The following RFX4 variants were observed in gnomAD, a reference collection of about 807,000 sequenced individuals.
The protein encoded by RFX4 is transcription factor RFX4.
In RFX4, 10 loss-of-function variants were observed where a neutral mutation model predicts 95.0. The ratio of observed to expected loss-of-function variants is 0.11; its 90% CI spans 0.06 to 0.18. The LOEUF is 0.18. Among genes scored for constraint, RFX4 ranks in the 10% least tolerant of loss-of-function variants. The pLI is 1.00. For missense variants in RFX4, 640 were observed against 922.0 expected (o/e 0.69, Z 3.96); for synonymous variants, 321 against 340.7 (o/e 0.94, Z 0.64).
intron 2 of RFX4, among the ~76,000 whole-genome samples, chr12:106,615,468 C>T (rs749200906): frequency 6.6e-5 from 10 of 152,176 alleles, no homozygotes; most frequent in Non-Finnish European, 1.2e-4. Flanking sequence ...ACATTCTTAA[C>T]AATTCCATAT....
intron 1 of RFX4, chr12:106,601,106 A>G: frequency 7.1e-7 from 1 of 1,408,714 alleles, no homozygotes; most frequent in East Asian, 2.6e-5. Context: ...CCTTCCTGGA[A>G]CCCAGCAGCC....
At chr12:106,604,001 T>C (rs2039768397) in intron 1 of RFX4, among the ~76,000 whole-genome samples, 1 of 151,992 alleles carries the variant, frequency 6.6e-6, no homozygotes, top group Non-Finnish European at 1.5e-5. Flanking sequence ...TGGACAAAAA[T>C]GACAGGGTCC....
chr12:106,696,246 G>A lies in RFX4; in HGVS notation c.670-37G>A, dbSNP rs542115848. 5.6e-6 allele frequency: 9 copies of A among 1,611,578 alleles called. No homozygotes were observed. In the South Asian group the frequency reaches 8.8e-5, roughly 16 times the overall value. ...CAAGCTTCTGTTGGGAGGGCCCTGG[G>A]TAACCTCATGATTCTTCTCTCTGTG... On this transcript the variant is annotated intron_variant, in intron 7 of 17. Coordinates refer to ENST00000392842, the MANE Select transcript of RFX4 (RefSeq NM_213594.3).
chr12:106,599,009 T>C (rs1227812336), intron 1 of RFX4, among the ~76,000 whole-genome samples: 1 of 152,164 alleles, frequency 6.6e-6, no homozygotes, highest in Non-Finnish European at 1.5e-5. Context: ...AGGGATATTT[T>C]CAGAGCCGAG....
chr12:106,606,724 G>T (rs1244687820), intron 1 of RFX4, among the ~76,000 whole-genome samples: 1 of 152,114 alleles, frequency 6.6e-6, no homozygotes, highest in Non-Finnish European at 1.5e-5. Context: ...CTTCCCCTCA[G>T]ATATTTTCCC....
chr12:106,682,357 C>G lies in RFX4; in HGVS notation c.377+303C>G, dbSNP rs556016715. The stretch of plus-strand genomic sequence containing the variant: ...CATCATTGAAAGGATTGCCTTGTGG[C>G]CTCTTGGAGGATCACCAGGTTATCT... On this transcript the variant is annotated intron_variant, in intron 5 of 17. Transcript: ENST00000392842. 944 of 423,476 alleles carry G rather than the reference C, an allele frequency of 2.2e-3. 2 individuals carry two copies. The highest frequency in any genetic ancestry group is 3.0e-3 in the Non-Finnish European group (703 of 233,408). 26.2% of individuals were successfully genotyped at this position (423,476 alleles called of 1,614,324 possible).
chr12:106,638,229 A>G (rs2040553542), intron 2 of RFX4, among the ~76,000 whole-genome samples: 1 of 152,056 alleles, frequency 6.6e-6, no homozygotes, highest in South Asian at 2.1e-4. Context: ...GCTGGTCTTG[A>G]ACTCCTGACC....
At chr12:106,622,936 C>A (rs993917739) in intron 2 of RFX4, among the ~76,000 whole-genome samples, 1 of 151,150 alleles carries the variant, frequency 6.6e-6, no homozygotes, top group African/African-American at 2.4e-5. Flanking sequence ...GCATTTTTTC[C>A]CCCTAGCAGG....
chr12:106,608,481 G>A (rs1405630059), intron 1 of RFX4, among the ~76,000 whole-genome samples: 1 of 152,170 alleles, frequency 6.6e-6, no homozygotes, highest in Admixed American at 6.5e-5. Flanking sequence ...TACCTTCTTT[G>A]CTCAGAAAGA....
At chr12:106,629,423 G>A (rs567505620) in intron 2 of RFX4, among the ~76,000 whole-genome samples, 2 of 152,268 alleles carry the variant, frequency 1.3e-5, no homozygotes, top group South Asian at 4.2e-4. Context: ...AGTAGATTCT[G>A]CCAAATGACC....
rs1251874609 is a variant in RFX4 at position 106,720,173 on chromosome 12, C to T, written c.1233+119C>T. 1.2e-6 allele frequency: 1 copy of T among 817,938 alleles called. No homozygotes were observed. The highest frequency in any genetic ancestry group is 2.0e-6 in the Non-Finnish European group (1 of 493,812). 50.7% of individuals were successfully genotyped at this position (817,938 alleles called of 1,614,324 possible). ...ATCTGAACAGGGTTTTGAGGAGAGGCCCCAGGAGGTGGAGGGGTCAGGAGG... is the reference window on the plus strand; with the variant it reads ...ATCTGAACAGGGTTTTGAGGAGAGGTCCCAGGAGGTGGAGGGGTCAGGAGG... On this transcript the variant is annotated intron_variant, in intron 12 of 17. Coordinates refer to ENST00000392842, the MANE Select transcript of RFX4 (RefSeq NM_213594.3). The surrounding 1 kb of genome is among the most constrained non-coding windows in gnomAD (Gnocchi z 4.2).
At chr12:106,655,045 G>T (rs145883366) in intron 4 of RFX4, among the ~76,000 whole-genome samples, 22 of 152,248 alleles carry the variant, frequency 1.4e-4, no homozygotes, top group African/African-American at 5.3e-4. Flanking sequence ...AACAAAAATA[G>T]GCTTGTTCTG....
chr12:106,637,468 T>C (rs1464270990), intron 2 of RFX4, among the ~76,000 whole-genome samples: 1 of 152,250 alleles, frequency 6.6e-6, no homozygotes, highest in Non-Finnish European at 1.5e-5. Context: ...TTTTCATAGA[T>C]ACCAATTCTT....
At chr12:106,614,110 G>A (rs1203964829) in intron 2 of RFX4, among the ~76,000 whole-genome samples, 1 of 151,736 alleles carries the variant, frequency 6.6e-6, no homozygotes, top group Non-Finnish European at 1.5e-5. Flanking sequence ...AATGACTGTA[G>A]CATCTTATTA....
chr12:106,714,291 C>T (rs570372424), intron 10 of RFX4, among the ~76,000 whole-genome samples: 9 of 151,998 alleles, frequency 5.9e-5, no homozygotes, highest in Non-Finnish European at 1.3e-4. Flanking sequence ...TGCTCAGCAA[C>T]GAGGCCAGGA....
chr12:106,752,132 A>T (rs984034176), intron 17 of RFX4, among the ~76,000 whole-genome samples: 42 of 151,222 alleles, frequency 2.8e-4, no homozygotes, highest in African/African-American at 9.7e-4. Context: ...TAAGGAAGGG[A>T]TCCAGTTTCA....
chr12:106,686,820 A>T (rs2041661025), intron 5 of RFX4, 64 bp from the exon 6 acceptor site: 3 of 1,473,512 alleles, frequency 2.0e-6, no homozygotes, highest in Non-Finnish European at 2.8e-6. Context: ...ACTTAATAAC[A>T]GTGCATGTGG....
intron 4 of RFX4, among the ~76,000 whole-genome samples, chr12:106,662,950 C>T (rs1188659135): frequency 6.6e-6 from 1 of 152,066 alleles, no homozygotes; most frequent in Non-Finnish European, 1.5e-5. Flanking sequence ...ACCATACTGT[C>T]TTGATTACAG....
chr12:106,743,506 T>C (rs1239364211), intron 15 of RFX4, among the ~76,000 whole-genome samples: 2 of 152,202 alleles, frequency 1.3e-5, no homozygotes, highest in Non-Finnish European at 2.9e-5. Flanking sequence ...AGGGGTTTTG[T>C]TCCCCAGACC....
Sources: allele counts gnomAD v4.1 joint callset (sites outside exome capture counted in the v4.1 genomes callset), GRCh38; gene constraint gnomAD v4.1.1; non-coding constraint Gnocchi (gnomAD v3.1); transcripts MANE v1.5; gene names NCBI Gene and HGNC (gene_info 2026-07-23, HGNC 2026-07-21).